BMERB1: variants seen among roughly 807,000 people sequenced by gnomAD.
BMERB1 encodes bMERB domain-containing protein 1.
Under a neutral mutation model 23.6 loss-of-function variants are expected in BMERB1, and 12 were observed. The ratio of observed to expected loss-of-function variants is 0.51; its 90% CI spans 0.33 to 0.82. BMERB1 has a LOEUF of 0.82. Among genes scored for constraint, BMERB1 ranks in the 40% least tolerant of loss-of-function variants. The pLI is 0.03. For synonymous variants in BMERB1, 122 were observed against 96.6 expected (o/e 1.26, Z -1.54); for missense variants, 247 against 255.4 (o/e 0.97, Z 0.22).
At chr16:15,463,616 C>G (rs2051155431) in intron 1 of BMERB1, among the ~76,000 whole-genome samples, 1 of 152,116 alleles carries the variant, frequency 6.6e-6, no homozygotes. Flanking sequence ...GTGGCCTCCT[C>G]TAATATATTT....
At chr16:15,513,949 C>A (rs901723360) in intron 1 of BMERB1, among the ~76,000 whole-genome samples, 34 of 152,090 alleles carry the variant, frequency 2.2e-4, no homozygotes, top group African/African-American at 8.0e-4. Flanking sequence ...ATATAAAAAA[C>A]CACATATATT....
chr16:15,532,464 G>A (rs866661949), intron 2 of BMERB1, among the ~76,000 whole-genome samples: 25 of 151,634 alleles, frequency 1.6e-4, no homozygotes, highest in Admixed American at 7.9e-4. Flanking sequence ...TCCTGACCTC[G>A]TGATTCGCCT....
chr16:15,500,072 A>G (rs893123248), intron 1 of BMERB1, among the ~76,000 whole-genome samples: 1 of 152,154 alleles, frequency 6.6e-6, no homozygotes, highest in Non-Finnish European at 1.5e-5. Flanking sequence ...GCAACTTATC[A>G]CTGCCCATCT....
chr16:15,446,134 T>C (rs1388226676), intron 1 of BMERB1, among the ~76,000 whole-genome samples: 1 of 152,142 alleles, frequency 6.6e-6, no homozygotes, highest in African/African-American at 2.4e-5. Flanking sequence ...TGGCCCACGC[T>C]TGTGATCCCA....
At chr16:15,501,330 T>C (rs2051528046) in intron 1 of BMERB1, among the ~76,000 whole-genome samples, 3 of 138,554 alleles carry the variant, frequency 2.2e-5, no homozygotes, top group Admixed American at 1.6e-4. Flanking sequence ...GTCCGTTCTG[T>C]CACCCAGGCT....
At chr16:15,470,191 G>A (rs909318125) in intron 1 of BMERB1, among the ~76,000 whole-genome samples, 1 of 152,132 alleles carries the variant, frequency 6.6e-6, no homozygotes, top group Non-Finnish European at 1.5e-5. Context: ...CTACATGAGT[G>A]TTGGATTTTG....
rs777953100 is a variant in BMERB1, at chr16:15,568,046, C to T, written c.294C>T (p.Val98=). The T allele has an allele frequency of 1.5e-5, 24 of 1,613,808 alleles. No homozygotes were observed. The highest frequency in any genetic ancestry group is 2.7e-5 in the African/African-American group (2 of 74,938). ...MDLKQELQNL[V]AIPEKEKTKL... Reference sequence around the variant, plus strand: ...TGAAGCAGGAGCTGCAGAACTTGGTCGCCATCCCAGGTAACCATTTGCAAC... The same window carrying T: ...TGAAGCAGGAGCTGCAGAACTTGGTTGCCATCCCAGGTAACCATTTGCAAC... Residue 98 remains valine, a synonymous_variant, in exon 3 of 6, where the codon GTC becomes GTT. Transcript: ENST00000300006.
chr16:15,537,693 C>T (rs1222799551), intron 2 of BMERB1, among the ~76,000 whole-genome samples: 3 of 151,830 alleles, frequency 2.0e-5, no homozygotes, highest in Non-Finnish European at 1.5e-5. Context: ...GGCTTTCACT[C>T]TGTTGCCCAG....
chr16:15,545,765 T>TG (rs1448881497), intron 2 of BMERB1, among the ~76,000 whole-genome samples: 1 of 152,118 alleles, frequency 6.6e-6, no homozygotes, highest in African/African-American at 2.4e-5. Context: ...TCTGAGGAAG[T>TG]GGGGGTGCTC....
intron 2 of BMERB1, among the ~76,000 whole-genome samples, chr16:15,517,207 T>C (rs1328954302): frequency 2.0e-5 from 3 of 152,180 alleles, no homozygotes; most frequent in African/African-American, 2.4e-5. Flanking sequence ...CCTCCCTGTG[T>C]TTTAAAAGGA....
rs566690249 is a variant in BMERB1 at position 15,487,945 on chromosome 16, C to T, written c.107-27360C>T. On this transcript the variant is annotated intron_variant, in intron 1 of 5. Transcript: ENST00000300006. ...CCTCTTGGTTTTGGTGGCTTTTGGCCAGCTTCTTTACCGCAACCTGTTTTA... is the reference window on the plus strand; with the variant it reads ...CCTCTTGGTTTTGGTGGCTTTTGGCTAGCTTCTTTACCGCAACCTGTTTTA... 2.0e-5 allele frequency among the ~76,000 whole-genome samples: 3 copies of T among 152,240 alleles called. 1 individual carries two copies. In the East Asian group the frequency reaches 5.8e-4, roughly 29 times the overall value.
At chr16:15,542,836 G>A (rs2150963482) in intron 2 of BMERB1, among the ~76,000 whole-genome samples, 1 of 152,212 alleles carries the variant, frequency 6.6e-6, no homozygotes, top group Non-Finnish European at 1.5e-5. Context: ...TGCAGGAGGG[G>A]GAGCATGCAG....
intron 1 of BMERB1, among the ~76,000 whole-genome samples, chr16:15,438,167 A>G (rs2050905197): frequency 1.3e-5 from 2 of 149,664 alleles, no homozygotes; most frequent in Admixed American, 1.3e-4. Flanking sequence ...GCTCACTGCA[A>G]CCTCCGCCTC....
chr16:15,474,543 T>TTG (rs961754731), intron 1 of BMERB1, among the ~76,000 whole-genome samples: 7 of 151,892 alleles, frequency 4.6e-5, no homozygotes, highest in African/African-American at 1.2e-4. Context: ...CTAAATTTTT[T>TTG]TGTGTGTGTG....
chr16:15,543,390 C>T (rs2052104437), intron 2 of BMERB1, among the ~76,000 whole-genome samples: 1 of 152,106 alleles, frequency 6.6e-6, no homozygotes, highest in African/African-American at 2.4e-5. Context: ...AATGCCTGTT[C>T]TCATTTAGGG....
At chr16:15,498,814 G>A (rs2051499804) in intron 1 of BMERB1, among the ~76,000 whole-genome samples, 1 of 152,222 alleles carries the variant, frequency 6.6e-6, no homozygotes, top group South Asian at 2.1e-4. Context: ...GGACATTTTG[G>A]GTTGGGGAGA....
intron 2 of BMERB1, among the ~76,000 whole-genome samples, chr16:15,556,654 C>T (rs944980935): frequency 1.3e-5 from 2 of 152,114 alleles, no homozygotes; most frequent in South Asian, 2.1e-4. Context: ...GGTGCAATCT[C>T]GGCTCACTGC....
intron 2 of BMERB1, among the ~76,000 whole-genome samples, chr16:15,554,901 T>C (rs949930510): frequency 6.6e-6 from 1 of 151,940 alleles, no homozygotes; most frequent in East Asian, 1.9e-4. Flanking sequence ...CTCCTGACCT[T>C]GTGATCCGCC....
Position 15,488,415 on chromosome 16 carries a change from A to G in BMERB1, c.107-26890A>G, listed in dbSNP as rs150465346. Among the ~76,000 whole-genome samples, 835 of 152,298 alleles carry G rather than the reference A, an allele frequency of 5.5e-3. 10 individuals carry two copies. The highest frequency in any genetic ancestry group is 0.018 in the African/African-American group (729 of 41,566). Reference sequence around the variant, plus strand: ...CATACCCTGCTTTAGGAGACAGTGCATTAGCATTCTGACAGCAGGCAGGGG... The same window carrying G: ...CATACCCTGCTTTAGGAGACAGTGCGTTAGCATTCTGACAGCAGGCAGGGG... On this transcript the variant is annotated intron_variant, in intron 1 of 5. Coordinates refer to ENST00000300006, the MANE Select transcript of BMERB1 (RefSeq NM_033201.3).
Sources: gnomAD v4.1 joint callset for allele counts (sites outside exome capture counted in the v4.1 genomes callset) on GRCh38, gnomAD v4.1.1 for gene constraint, MANE v1.5 for transcripts, NCBI Gene and HGNC (gene_info 2026-07-23, HGNC 2026-07-21) for gene names.